RENBP: variants seen among roughly 807,000 people sequenced by gnomAD.
RENBP encodes the protein N-acylglucosamine 2-epimerase.
In RENBP, 16 loss-of-function variants were observed where a neutral mutation model predicts 37.8. The ratio of observed to expected loss-of-function variants is 0.42; its 90% confidence interval spans 0.29 to 0.64. The LOEUF (loss-of-function observed/expected upper bound fraction) is 0.64. Among genes scored for constraint, RENBP ranks in the 30% least tolerant of loss-of-function variants. RENBP has a pLI of 0.19. For missense variants in RENBP, 347 were observed against 379.5 expected, an observed-to-expected ratio of 0.91 and a Z score of 0.71; for synonymous variants, 170 against 154.8, an observed-to-expected ratio of 1.10 and a Z score of -0.73.
rs781864927 is a variant in RENBP at position 153,942,936 on chromosome X, G to A, written c.606C>T (p.Leu202=). ...CCGCCAGCTCCTCATCTGCCTCCCC[G>A]AGCTGCTCCACCAGGTTCAGTAGCA... ...PMMLLNLVEQ[L]GEADEELAGK... Residue 202 remains leucine, a synonymous_variant, in exon 6 of 11, where the codon CTC becomes CTT. Coordinates refer to ENST00000393700, the MANE Select transcript of RENBP (RefSeq NM_002910.6). 43 of 1,209,455 alleles carry A rather than the reference G, an allele frequency of 3.6e-5. No individual in the cohort carries two copies. The highest frequency in any genetic ancestry group is 4.6e-4 in the Middle Eastern group (2 of 4,347).
At chrX:153,940,997 G>A (rs2065223535) in intron 8 of RENBP, among the ~76,000 whole-genome samples, 1 of 109,319 alleles carries the variant, frequency 9.1e-6, no homozygotes, top group Admixed American at 9.7e-5. Flanking sequence ...AAATTAGCCA[G>A]GCATGGTGGC....
chrX:153,935,374 A>C lies in RENBP; in HGVS notation c.1196T>G (p.Met399Arg), dbSNP rs782459670. The C allele has an allele frequency of 1.8e-6, 2 of 1,128,872 alleles. No homozygotes were observed. The highest frequency in any genetic ancestry group is 1.8e-5 in the African/African-American group (1 of 54,128). The allele number at this position is 1,128,872 out of a possible 1,213,427, so 93.0% of individuals were successfully genotyped here. A position where few individuals can be genotyped will look rare whatever the true frequency, so the allele number is the denominator to read the frequency against. Residue 399 changes from methionine (M) to arginine (R), a missense_variant, in exon 11 of 11, where the codon ATG becomes AGG. Transcript: ENST00000393700. Reference protein sequence around the residue: ...GCFHVPRCLAMCEEMLGALLS... With the variant: ...GCFHVPRCLARCEEMLGALLS... ...CAGGGCGCCCAGCATCTCCTCGCAC[A>C]TGGCTAGGCACCGCGGCACGTGGAA...
chrX:153,944,170 G>A lies in RENBP; in HGVS notation c.138-15C>T. ...TGAAGAAGCCCCTGTGGGAAGGCAGGGTTAGCAAAGTCTGGAACGGGCCTT... is the reference window on the plus strand; with the variant it reads ...TGAAGAAGCCCCTGTGGGAAGGCAGAGTTAGCAAAGTCTGGAACGGGCCTT... On this transcript the variant is annotated splice_polypyrimidine_tract_variant and intron_variant, in intron 2 of 10. Transcript: ENST00000393700. 8.3e-7 allele frequency: 1 copy of A among 1,206,541 alleles called. No individual in the cohort carries two copies.
intron 9 of RENBP, chrX:153,935,869 C>T (rs1462919508): frequency 9.6e-6 from 3 of 311,652 alleles, no homozygotes; most frequent in Non-Finnish European, 1.7e-5. Flanking sequence ...GTGGCTTGCG[C>T]CTGTAATCCC....
intron 9 of RENBP, 35 bp from the exon 10 acceptor site, chrX:153,935,611 C>T (rs782146542): frequency 2.2e-5 from 24 of 1,105,335 alleles, no homozygotes; most frequent in Middle Eastern, 2.8e-4. Flanking sequence ...CTAGCGCCTG[C>T]AGGACCCGCC....
At chrX:153,944,255 G>A (rs1160965213) in intron 2 of RENBP, 54 bp downstream of exon 2, 3 of 1,165,582 alleles carry the variant, frequency 2.6e-6, no homozygotes, top group South Asian at 1.8e-5. Context: ...GAGTGAGAAG[G>A]GGCCTCAGGA....
rs2065218713 is a variant in RENBP at position 153,939,811 on chromosome X, T to C, written c.1077+291A>G. ...TCAGTGCTTCCCTGCTGCCACCCCA[T>C]AGGAAAGAGCCCCCCCACAACCCTC... On this transcript the variant is annotated intron_variant, in intron 9 of 10. Coordinates refer to ENST00000393700, the MANE Select transcript of RENBP (RefSeq NM_002910.6). Among the ~76,000 whole-genome samples the C allele has an allele frequency of 6.6e-5, 7 of 106,231 alleles. No homozygotes were observed. In the Admixed American group the frequency reaches 7.1e-4, roughly 11 times the overall value. The allele number at this position is 106,231 out of a possible 115,157, so 92.2% of individuals were successfully genotyped here.
chrX:153,943,953 G>C lies in RENBP; in HGVS notation c.231C>G (p.Arg77=). ...LQGRQVWMYC[R]LYRTFERFRH... is the part of the protein sequence containing the mutation. ...GGAAGCGCTCGAAAGTGCGGTACAG[G>C]CGACAATACATCCATACCTGCGGGG... Residue 77 remains arginine, a synonymous_variant, in exon 4 of 11, where the codon CGC becomes CGG. Transcript: ENST00000393700. The C allele has an allele frequency of 8.4e-7, 1 of 1,197,311 alleles. No homozygotes were observed. Among genetic ancestry groups the C allele is most frequent in the Non-Finnish European group, 1.1e-6 (1 of 887,842 alleles).
rs1557110098 is a variant in RENBP, at chrX:153,943,978, G to T, written c.214-8C>A. ...GCGACAATACATCCATACCTGCGGG[G>T]TACGGGAGGGAAAGTGGCTTAAGTG... On this transcript the variant is annotated splice_region_variant and splice_polypyrimidine_tract_variant and intron_variant, in intron 3 of 10. Transcript: ENST00000393700. The T allele has an allele frequency of 1.7e-6, 2 of 1,203,422 alleles. No homozygotes were observed. Among genetic ancestry groups the T allele is most frequent in the Admixed American group, 4.4e-5 (2 of 45,229 alleles).
At chrX:153,935,614 G>A (rs2065196355) in intron 9 of RENBP, 38 bp from the exon 10 acceptor site, 1 of 1,090,317 alleles carries the variant, frequency 9.2e-7, no homozygotes, top group Non-Finnish European at 1.3e-6. Flanking sequence ...GCGCCTGCAG[G>A]ACCCGCCCAG....
In RENBP at chrX:153,938,319, T is replaced by C. The variant is rs1431358193; in HGVS notation, c.1077+1783A>G. Among the ~76,000 whole-genome samples, 7 of 112,389 alleles carry C rather than the reference T, an allele frequency of 6.2e-5. No individual in the cohort carries two copies. The East Asian group carries it at 1.9e-3, about 31-fold the overall frequency. On this transcript the variant is annotated intron_variant, in intron 9 of 10. Coordinates refer to ENST00000393700, the MANE Select transcript of RENBP (RefSeq NM_002910.6). ...GCACTTCTATTACCAATGTGGTTCA[T>C]TGCCTCCACTCATAATGGCAGCAAA...
chrX:153,941,455 C>T, intron 8 of RENBP, 23 bp downstream of exon 8: 1 of 1,207,780 alleles, frequency 8.3e-7, no homozygotes, highest in East Asian at 3.0e-5. Context: ...GTGGGTCACA[C>T]ATGGCCCTGG....
chrX:153,944,497 A>T lies in RENBP; in HGVS notation c.28-79T>A, dbSNP rs2148542962. The stretch of plus-strand genomic sequence containing the variant: ...CAGCCTCGGGAACCAGCCCTCAGGG[A>T]TCTCCCCACCTCTGCACGGGGCTTC... On this transcript the variant is annotated intron_variant, in intron 1 of 10. Transcript: ENST00000393700. The T allele has an allele frequency of 5.2e-6, 6 of 1,162,735 alleles. No homozygotes were observed. The East Asian group carries it at 1.8e-4, about 35-fold the overall frequency.
chrX:153,944,123 C>A lies in RENBP; in HGVS notation c.170G>T (p.Arg57Leu). The A allele has an allele frequency of 8.3e-7, 1 of 1,210,960 alleles. No individual in the cohort carries two copies. The highest frequency in any genetic ancestry group is 1.8e-5 in the South Asian group (1 of 56,900). Residue 57 changes from arginine (R) to leucine (L), a missense_variant, in exon 3 of 11, where the codon CGG becomes CTG. Arg to Leu is a moderately radical substitution (Grantham distance 102). Around this residue, in one of 3 missense-constraint regions of RENBP, gnomAD observed 244 missense variants for 279.4 expected, o/e 0.87. Transcript: ENST00000393700. ...GFFTCLGREG[R>L]VYDDLKYVWL... Reference sequence around the variant, plus strand: ...CACATACTTGAGGTCATCATACACCCGCCCCTCGCGGCCAAGGCACGTGAA... The same window carrying A: ...CACATACTTGAGGTCATCATACACCAGCCCCTCGCGGCCAAGGCACGTGAA...
intron 3 of RENBP, 32 bp from the exon 4 acceptor site, chrX:153,944,002 T>A (rs782567962): frequency 8.3e-7 from 1 of 1,205,320 alleles, no homozygotes; most frequent in Non-Finnish European, 1.1e-6. Flanking sequence ...GTGGCTTAAG[T>A]GGCCGGCTGG....
Position 153,935,540 on chromosome X carries a change from G to C in RENBP, c.1114C>G (p.Leu372Val), listed in dbSNP as rs782619559. The C allele has an allele frequency of 1.7e-6, 2 of 1,209,331 alleles. No individual in the cohort carries two copies. The highest frequency in any genetic ancestry group is 2.2e-6 in the Non-Finnish European group (2 of 894,663). Reference protein sequence around the residue: ...DPEYGEWFGYLSREGKVALSI... With the variant: ...DPEYGEWFGYVSREGKVALSI... Reference sequence around the variant, plus strand: ...AGGGCCACCTTGCCCTCTCGGCTCAGGTAGCCAAACCATTCCCCGTACTCG... The same window carrying C: ...AGGGCCACCTTGCCCTCTCGGCTCACGTAGCCAAACCATTCCCCGTACTCG... The change falls in exon 10 of 11, where the codon CTG (leucine) becomes GTG (valine). Residue 372 changes from leucine to valine, a missense_variant. By Grantham distance (32) the Leu-to-Val change is conservative. Coordinates refer to ENST00000393700, the MANE Select transcript of RENBP (RefSeq NM_002910.6).
intron 6 of RENBP, 199 bp from the exon 7 acceptor site, chrX:153,942,230 G>GTTTTTT (rs782716689): frequency 4.8e-4 from 46 of 95,946 alleles, no homozygotes; most frequent in Admixed American, 1.2e-3. Context: ...GCAAGTTGTT[G>GTTTTTT]TTTTTTTTTT....
chrX:153,942,140 A>C, intron 6 of RENBP, 109 bp from the exon 7 acceptor site: 2 of 569,179 alleles, frequency 3.5e-6, no homozygotes. Flanking sequence ...CCTCTTACCC[A>C]AGCCCCTGGA....
chrX:153,939,422 G>T (rs1402610422), intron 9 of RENBP, among the ~76,000 whole-genome samples: 2 of 111,880 alleles, frequency 1.8e-5, no homozygotes, highest in Non-Finnish European at 3.8e-5. Context: ...AACATTCATG[G>T]TGAGTCCAGA....
Sources: allele counts gnomAD v4.1 joint callset (sites outside exome capture counted in the v4.1 genomes callset), GRCh38; gene constraint gnomAD v4.1.1; regional missense constraint gnomAD v4.1.1; transcripts MANE v1.5; gene names NCBI Gene and HGNC (gene_info 2026-07-23, HGNC 2026-07-21).